NLRP11: variants seen among roughly 807,000 people sequenced by gnomAD.
NLRP11 encodes the protein NLR family pyrin domain containing 11, also known as NACHT, LRR and PYD domains-containing protein 11.
Under a neutral mutation model 79.3 loss-of-function variants are expected in NLRP11, and 53 were observed. The ratio of observed to expected loss-of-function variants is 0.67; its 90% CI spans 0.54 to 0.84. The LOEUF (loss-of-function observed/expected upper bound fraction) is 0.84, where lower values mean the gene tolerates loss of function less well. Among genes scored for constraint, NLRP11 ranks in the 40% least tolerant of loss-of-function variants. The probability of loss-of-function intolerance (pLI) is 0.00; values close to 1 mark genes in which losing one functional copy is unlikely to be tolerated. For synonymous variants in NLRP11, 518 were observed against 462.6 expected, an observed-to-expected ratio of 1.12 and a Z score of -1.54; for missense variants, 1,264 against 1,255.0, an observed-to-expected ratio of 1.01 and a Z score of -0.11.
exon 6 of NLRP11, chr19:55,796,215 T>C: frequency 6.2e-7 from 1 of 1,613,926 alleles, no homozygotes; most frequent in Non-Finnish European, 8.5e-7. Flanking sequence ...GGCGATTTCT[T>C]CACATTCGCT....
intron 2 of NLRP11, among the ~76,000 whole-genome samples, chr19:55,811,560 C>T (rs766842603): frequency 1.8e-4 from 27 of 152,232 alleles, no homozygotes; most frequent in East Asian, 1.7e-3. Flanking sequence ...GATGGATCAA[C>T]GGGCCTGATC....
intron 1 of NLRP11, among the ~76,000 whole-genome samples, chr19:55,828,131 T>C (rs1982405123): frequency 6.6e-6 from 1 of 150,762 alleles, no homozygotes; most frequent in African/African-American, 2.5e-5. Context: ...ATGGATGAAA[T>C]TGGAAATCAT....
chr19:55,800,552 G>A (rs747326930), intron 5 of NLRP11, among the ~76,000 whole-genome samples: 2 of 152,108 alleles, frequency 1.3e-5, no homozygotes, highest in Admixed American at 1.3e-4. Context: ...CTGACCTCAA[G>A]TGATCCACAT....
intron 7 of NLRP11, among the ~76,000 whole-genome samples, chr19:55,791,694 A>G (rs1990242488): frequency 6.6e-6 from 1 of 152,148 alleles, no homozygotes; most frequent in South Asian, 2.1e-4. Flanking sequence ...CAAGTGGGAG[A>G]ATCACTACTT....
intron 5 of NLRP11, 26 bp from the exon 6 acceptor site, chr19:55,796,276 A>C (rs771826808): frequency 1.0e-4 from 164 of 1,598,008 alleles, no homozygotes; most frequent in Non-Finnish European, 1.4e-4. Context: ...AGAAATGAAA[A>C]GAGGCTCCCG....
intron 1 of NLRP11, among the ~76,000 whole-genome samples, chr19:55,820,222 AAAC>A (rs1286153091): frequency 6.6e-6 from 1 of 152,148 alleles, no homozygotes; most frequent in African/African-American, 2.4e-5. Context: ...CTGGCAGAAA[AAAC>A]AATAAGGAAG....
intron 1 of NLRP11, among the ~76,000 whole-genome samples, chr19:55,823,168 G>C (rs558717524): frequency 6.9e-6 from 1 of 145,738 alleles, no homozygotes; most frequent in South Asian, 2.2e-4. Flanking sequence ...CACCTCACAC[G>C]GCAGGGTATT....
intron 4 of NLRP11, among the ~76,000 whole-genome samples, chr19:55,803,174 C>G (rs1053149671): frequency 2.6e-5 from 4 of 152,150 alleles, no homozygotes; most frequent in African/African-American, 9.7e-5. Flanking sequence ...TAGTGAAACC[C>G]TGCCTCTACT....
chr19:55,817,828 A>C, intron 2 of NLRP11, 76 bp downstream of exon 2: 1 of 1,221,300 alleles, frequency 8.2e-7, no homozygotes, highest in Non-Finnish European at 1.1e-6. Flanking sequence ...TAGAAAAAAA[A>C]AAAAAAAAAG....
At chr19:55,821,536 G>A (rs913403217) in intron 1 of NLRP11, among the ~76,000 whole-genome samples, 1 of 152,166 alleles carries the variant, frequency 6.6e-6, no homozygotes, top group Non-Finnish European at 1.5e-5. Flanking sequence ...TGACACACAG[G>A]GTAACAGGAA....
chr19:55,789,388 C>G, exon 8 of NLRP11: 1 of 1,610,980 alleles, frequency 6.2e-7, no homozygotes, highest in Non-Finnish European at 8.5e-7. Context: ...GCTAAAGAAA[C>G]AGCCAGACAG....
chr19:55,835,876 C>A (rs1983214536), upstream of NLRP11, among the ~76,000 whole-genome samples: 1 of 151,972 alleles, frequency 6.6e-6, no homozygotes, highest in Non-Finnish European at 1.5e-5. Flanking sequence ...GTAATCCCAG[C>A]ACTTCGGGAG....
intron 5 of NLRP11, among the ~76,000 whole-genome samples, chr19:55,796,738 G>A (rs958356046): frequency 2.0e-5 from 3 of 151,822 alleles, no homozygotes; most frequent in South Asian, 2.1e-4. Context: ...CCAGGCTGGA[G>A]TGCAATGGTG....
chr19:55,829,679 A>T (rs56661681), intron 1 of NLRP11, among the ~76,000 whole-genome samples: 21,432 of 149,738 alleles, frequency 0.14, 1,980 homozygotes, highest in Middle Eastern at 0.23. Flanking sequence ...AAAAAAAAAA[A>T]AAAAAATCGT....
At chr19:55,822,104 C>CA (rs1369351903) in intron 1 of NLRP11, among the ~76,000 whole-genome samples, 8 of 151,906 alleles carry the variant, frequency 5.3e-5, no homozygotes, top group African/African-American at 1.7e-4. Context: ...ACTAAAAATA[C>CA]AAAAAAATTA....
intron 5 of NLRP11, among the ~76,000 whole-genome samples, chr19:55,796,853 T>TA (rs1321291617): frequency 2.0e-5 from 3 of 152,036 alleles, no homozygotes; most frequent in Non-Finnish European, 4.4e-5. Context: ...CACACCCGGC[T>TA]AATGTTTGTA....
At chr19:55,813,899 T>G (rs906949210) in intron 2 of NLRP11, among the ~76,000 whole-genome samples, 1 of 152,096 alleles carries the variant, frequency 6.6e-6, no homozygotes, top group African/African-American at 2.4e-5. Context: ...TTCCCCCTCA[T>G]TGAAACCCTC....
chr19:55,814,519 A>C (rs765059325), intron 2 of NLRP11, among the ~76,000 whole-genome samples: 7 of 152,138 alleles, frequency 4.6e-5, no homozygotes, highest in Non-Finnish European at 1.0e-4. Flanking sequence ...TTTTGGACAC[A>C]GTTGTCCATA....
exon 3 of NLRP11, chr19:55,810,156 T>G (rs1287528545): frequency 6.2e-7 from 1 of 1,614,092 alleles, no homozygotes; most frequent in Non-Finnish European, 8.5e-7. Context: ...CTCTCTCCCA[T>G]CAGGAACACA....
Sources: gnomAD v4.1 joint callset for allele counts (sites outside exome capture counted in the v4.1 genomes callset) on GRCh38, gnomAD v4.1.1 for gene constraint, MANE v1.5 for transcripts, NCBI Gene and HGNC (gene_info 2026-07-23, HGNC 2026-07-21) for gene names.